The following GOLGA8B variants were observed in gnomAD, a reference collection of about 807,000 sequenced individuals.
GOLGA8B encodes the protein golgin A8 family member B.
In GOLGA8B, 1 loss-of-function variant was observed where a neutral mutation model predicts 15.6. The observed-to-expected ratio is 0.06, with a 90% confidence interval of 0.02 to 0.30. The LOEUF is 0.30. GOLGA8B is among the 10% of genes least tolerant of loss of function. The pLI is 1.00. For synonymous variants in GOLGA8B, 9 were observed against 80.3 expected, an observed-to-expected ratio of 0.11 and a Z score of 4.75; for missense variants, 17 against 201.3, an observed-to-expected ratio of 0.08 and a Z score of 5.54.
rs1416047249 is a variant in GOLGA8B at position 34,565,159 on chromosome 15, G to A, written c.-1122-11203C>T. Among the ~76,000 whole-genome samples the A allele has an allele frequency of 4.5e-5, 6 of 132,818 alleles. 2 individuals carry two copies. The highest frequency in any genetic ancestry group is 3.7e-4 in the Admixed American group (5 of 13,404). The allele number at this position is 132,818 out of a possible 152,430, so 87.1% of individuals were successfully genotyped here. The stretch of plus-strand genomic sequence containing the variant: ...TCTTTTTTTTTTTTTTTTTGAGACG[G>A]AGTCTCACTCTTGTCGCCCAGGCTG... On this transcript the variant is annotated intron_variant, in intron 1 of 23. Coordinates refer to ENST00000683415, the MANE Select transcript of GOLGA8B (RefSeq NM_001023567.5).
chr15:34,572,462 C>A (rs1464669325), intron 1 of GOLGA8B, among the ~76,000 whole-genome samples: 1 of 152,218 alleles, frequency 6.6e-6, no homozygotes, highest in Admixed American at 6.5e-5. Context: ...AATAATGCTG[C>A]TTGCGCAAAG....
chr15:34,577,795 G>A (rs1470204291), intron 1 of GOLGA8B, among the ~76,000 whole-genome samples: 1 of 152,098 alleles, frequency 6.6e-6, no homozygotes, highest in African/African-American at 2.4e-5. Flanking sequence ...GATAAAACAT[G>A]GTGCCCCTGT....
chr15:34,563,875 T>A (rs79481820), intron 1 of GOLGA8B, among the ~76,000 whole-genome samples: 12,230 of 143,114 alleles, frequency 0.085, 367 homozygotes, highest in South Asian at 0.21. Context: ...GGTAGTGTTT[T>A]ATTTTTGCAT....
At chr15:34,565,041 C>T (rs948061643) in intron 1 of GOLGA8B, among the ~76,000 whole-genome samples, 1 of 143,542 alleles carries the variant, frequency 7.0e-6, no homozygotes, top group African/African-American at 2.5e-5. Context: ...GCAGGGGCTA[C>T]GGAGAAGGTG....
intron 1 of GOLGA8B, among the ~76,000 whole-genome samples, chr15:34,560,159 G>C (rs1423320976): frequency 1.3e-5 from 2 of 149,736 alleles, no homozygotes; most frequent in Non-Finnish European, 3.0e-5. Context: ...AAGTGACTGT[G>C]GTCATGCCTT....
intron 7 of GOLGA8B, among the ~76,000 whole-genome samples, chr15:34,543,415 C>T (rs1235753987): frequency 7.0e-6 from 1 of 142,228 alleles, no homozygotes; most frequent in African/African-American, 2.6e-5. Flanking sequence ...CCATGCTGCC[C>T]AGGCTTGTCT....
chr15:34,582,170 G>T (rs1197123558), intron 1 of GOLGA8B, among the ~76,000 whole-genome samples: 1 of 152,152 alleles, frequency 6.6e-6, no homozygotes, highest in African/African-American at 2.4e-5. Context: ...GGGAAACCCA[G>T]TTCCTGTCCC....
rs538440142 is a variant in GOLGA8B, at chr15:34,582,051, A to G, written c.-1123+1465T>C. On this transcript the variant is annotated intron_variant, in intron 1 of 23. Transcript: ENST00000683415. Reference sequence around the variant, plus strand: ...TAACACCCCAGCCCTCCTGCCCCGCAGTTCCTAAGCTCAGGAGACCCTCTC... The same window carrying G: ...TAACACCCCAGCCCTCCTGCCCCGCGGTTCCTAAGCTCAGGAGACCCTCTC... Among the ~76,000 whole-genome samples, 395 of 152,278 alleles carry G rather than the reference A, an allele frequency of 2.6e-3. 2 individuals are homozygous for G. Among genetic ancestry groups the G allele is most frequent in the Non-Finnish European group, 4.9e-3 (331 of 68,014 alleles).
rs1171800917 is a variant in GOLGA8B at position 34,574,400 on chromosome 15, C to T, written c.-1123+9116G>A. Reference sequence around the variant, plus strand: ...CTCACTGCAGCCTCAACCTCCTGGGCTTAAGCGATCCTCCCACCTCAGCCT... The same window carrying T: ...CTCACTGCAGCCTCAACCTCCTGGGTTTAAGCGATCCTCCCACCTCAGCCT... On this transcript the variant is annotated intron_variant, in intron 1 of 23. Transcript: ENST00000683415. Among the ~76,000 whole-genome samples the T allele has an allele frequency of 4.6e-5, 7 of 151,742 alleles. No individual in the cohort carries two copies. In the East Asian group the frequency reaches 1.4e-3, roughly 29 times the overall value.
intron 1 of GOLGA8B, among the ~76,000 whole-genome samples, chr15:34,581,031 C>A (rs866507268): frequency 2.6e-5 from 4 of 152,200 alleles, no homozygotes; most frequent in African/African-American, 9.7e-5. Context: ...CAGGCTGAAA[C>A]GCAGGGCATG....
chr15:34,578,026 C>T (rs1889129769), intron 1 of GOLGA8B, among the ~76,000 whole-genome samples: 1 of 152,198 alleles, frequency 6.6e-6, no homozygotes, highest in Non-Finnish European at 1.5e-5. Flanking sequence ...CTATCACTCA[C>T]AAAAACAATG....
chr15:34,575,697 T>G (rs1374830371), intron 1 of GOLGA8B, among the ~76,000 whole-genome samples: 1 of 152,168 alleles, frequency 6.6e-6, no homozygotes, highest in East Asian at 1.9e-4. Context: ...CCACCCACTC[T>G]TCTAGGATGG....
chr15:34,580,868 T>C (rs1258969722), intron 1 of GOLGA8B, among the ~76,000 whole-genome samples: 1 of 152,170 alleles, frequency 6.6e-6, no homozygotes, highest in Non-Finnish European at 1.5e-5. Context: ...CATCAGTGGC[T>C]ACCTTACACC....
chr15:34,565,087 G>C lies in GOLGA8B; in HGVS notation c.-1122-11131C>G. 1.4e-5 allele frequency among the ~76,000 whole-genome samples: 2 copies of C among 143,068 alleles called. 1 individual carries two copies. The highest frequency in any genetic ancestry group is 3.2e-5 in the Non-Finnish European group (2 of 62,326). 93.9% of individuals were successfully genotyped at this position (143,068 alleles called of 152,430 possible). A position where few individuals can be genotyped will look rare whatever the true frequency, so the allele number is the denominator to read the frequency against. On this transcript the variant is annotated intron_variant, in intron 1 of 23. Coordinates refer to ENST00000683415, the MANE Select transcript of GOLGA8B (RefSeq NM_001023567.5). Reference sequence around the variant, plus strand: ...GCTCCAGTCCCCAAAAGGTGCTGTGGGGAGGAAGAATTTCCAGCTGCCAGG... The same window carrying C: ...GCTCCAGTCCCCAAAAGGTGCTGTGCGGAGGAAGAATTTCCAGCTGCCAGG...
chr15:34,578,293 C>G (rs559808435), intron 1 of GOLGA8B, among the ~76,000 whole-genome samples: 1 of 152,240 alleles, frequency 6.6e-6, no homozygotes, highest in Non-Finnish European at 1.5e-5. Context: ...CAAGCTCCCA[C>G]GCCCTTTCCC....
rs1894422678 is a variant in GOLGA8B at position 34,525,502 on chromosome 15, A to G, written c.*2130T>C. On this transcript the variant is annotated 3_prime_UTR_variant, in exon 24 of 24. Transcript: ENST00000683415. The stretch of plus-strand genomic sequence containing the variant: ...CCTTCCCACCATTTCTTTCTTTTAA[A>G]CTACAGTATTCATATTTTAAAATGT... 6.7e-6 allele frequency: 1 copy of G among 149,936 alleles called. No homozygotes were observed. The highest frequency in any genetic ancestry group is 6.8e-5 in the Admixed American group (1 of 14,766). 9.3% of individuals were successfully genotyped at this position (149,936 alleles called of 1,614,324 possible).
At chr15:34,559,601 T>TGAGA (rs1595704892) in intron 1 of GOLGA8B, among the ~76,000 whole-genome samples, 14 of 57,354 alleles carry the variant, frequency 2.4e-4, no homozygotes, top group East Asian at 1.5e-3. Flanking sequence ...AGAGAGAGAT[T>TGAGA]GATTGATCAG....
At chr15:34,581,635 G>A (rs1026373410) in intron 1 of GOLGA8B, 1 of 151,972 alleles carries the variant, frequency 6.6e-6, no homozygotes, top group Non-Finnish European at 1.5e-5. Flanking sequence ...TTAACCAGCA[G>A]GCCACAACTT....
intron 7 of GOLGA8B, among the ~76,000 whole-genome samples, chr15:34,542,608 TA>T: frequency 6.6e-6 from 1 of 152,264 alleles, no homozygotes; most frequent in Non-Finnish European, 1.5e-5. Flanking sequence ...GATAGGTACA[TA>T]AAATATGAAA....
Sources: gnomAD v4.1 joint callset for allele counts (sites outside exome capture counted in the v4.1 genomes callset) on GRCh38, gnomAD v4.1.1 for gene constraint, MANE v1.5 for transcripts, NCBI Gene and HGNC (gene_info 2026-07-23, HGNC 2026-07-21) for gene names.